Variants in MAST4 observed in about 807,000 individuals in gnomAD.
MAST4 encodes microtubule-associated serine/threonine-protein kinase 4.
MAST4 carries 89 observed loss-of-function variants against 162.7 expected under a neutral mutation model. The ratio of observed to expected loss-of-function variants is 0.55; its 90% confidence interval spans 0.46 to 0.65. The LOEUF (loss-of-function observed/expected upper bound fraction) is 0.65, where lower values mean the gene tolerates loss of function less well. MAST4 is among the 30% of genes least tolerant of loss of function. The pLI, the probability that MAST4 is intolerant of heterozygous loss-of-function variation, is 0.00. For missense variants in MAST4, 3,153 were observed against 3,374.0 expected (o/e 0.93, Z 1.62); for synonymous variants, 1,479 against 1,361.1 (o/e 1.09, Z -1.91).
At position 66,892,592 on chromosome 5, in the gene MAST4, T is replaced by G. The variant is rs532334370; in HGVS notation, c.643-7359T>G. On this transcript the variant is annotated intron_variant, in intron 3 of 28. Transcript: ENST00000403625. ...TTGCTTCAGTTTTACTTTGCTTATCTTTGAAAAGTGCCTGTTTTCACCTGT... is the reference window on the plus strand; with the variant it reads ...TTGCTTCAGTTTTACTTTGCTTATCGTTGAAAAGTGCCTGTTTTCACCTGT... Among the ~76,000 whole-genome samples, 3 of 152,300 alleles carry G rather than the reference T, an allele frequency of 2.0e-5. No individual in the cohort carries two copies. The South Asian group carries it at 6.2e-4, about 32-fold the overall frequency.
intron 1 of MAST4, among the ~76,000 whole-genome samples, chr5:66,701,150 A>G (rs988330667): frequency 3.3e-5 from 5 of 152,214 alleles, no homozygotes; most frequent in Admixed American, 3.3e-4. Context: ...ACATGTTTCA[A>G]CAAATCATGA....
chr5:66,832,431 CT>C (rs537892277), intron 3 of MAST4, among the ~76,000 whole-genome samples: 4 of 152,110 alleles, frequency 2.6e-5, no homozygotes, highest in Non-Finnish European at 4.4e-5. Flanking sequence ...CCCCCCACCC[CT>C]GTCCCCTGCC....
Position 67,095,518 on chromosome 5 carries a change from T to C in MAST4, c.834-79T>C. 2.7e-6 allele frequency: 3 copies of C among 1,094,348 alleles called. No homozygotes were observed. The East Asian group carries it at 7.7e-5, about 28-fold the overall frequency. 67.8% of individuals were successfully genotyped at this position (1,094,348 alleles called of 1,614,324 possible). ...ACTATGTTTGTGTCATTTGTTTGAC[T>C]AAAAATACTTAGTTTCCCTGGGGTT... On this transcript the variant is annotated intron_variant, in intron 6 of 28. Transcript: ENST00000403625.
At chr5:66,893,483 C>T (rs1762493563) in intron 3 of MAST4, among the ~76,000 whole-genome samples, 1 of 152,072 alleles carries the variant, frequency 6.6e-6, no homozygotes, top group Non-Finnish European at 1.5e-5. Flanking sequence ...ACGTCTCGGC[C>T]TCCCAAAATC....
At chr5:67,021,132 T>G (rs1581226094) in intron 4 of MAST4, among the ~76,000 whole-genome samples, 1 of 152,348 alleles carries the variant, frequency 6.6e-6, no homozygotes, top group Admixed American at 6.5e-5. Flanking sequence ...AAAGTTAGTT[T>G]AGGCATGGCC....
chr5:66,843,993 C>A (rs974872643), intron 3 of MAST4, among the ~76,000 whole-genome samples: 1 of 152,046 alleles, frequency 6.6e-6, no homozygotes, highest in Non-Finnish European at 1.5e-5. Context: ...CCAGTGGCTG[C>A]ATCATTTCCT....
chr5:67,045,817 A>G (rs1757303360), intron 4 of MAST4, among the ~76,000 whole-genome samples: 1 of 152,212 alleles, frequency 6.6e-6, no homozygotes, highest in African/African-American at 2.4e-5. Flanking sequence ...AAATAACACA[A>G]GCTATTAATT....
In MAST4 at chr5:66,805,673, G is replaced by A. The variant is rs202028675; in HGVS notation, c.642+16879G>A. 1.1e-4 allele frequency among the ~76,000 whole-genome samples: 16 copies of A among 152,298 alleles called. No individual in the cohort carries two copies. In the East Asian group the frequency reaches 2.3e-3, roughly 22 times the overall value. On this transcript the variant is annotated intron_variant, in intron 3 of 28. Coordinates refer to ENST00000403625, the MANE Select transcript of MAST4 (RefSeq NM_001164664.2). The stretch of plus-strand genomic sequence containing the variant: ...TGCAGTGTTGAAAGGCCATCCCCGA[G>A]GCTGATGTGACTAGTTCTCTTGGAG...
intron 4 of MAST4, among the ~76,000 whole-genome samples, chr5:66,959,770 T>C (rs937139418): frequency 6.6e-6 from 1 of 152,232 alleles, no homozygotes; most frequent in Non-Finnish European, 1.5e-5. Flanking sequence ...AGAATATTAA[T>C]GAACTGTGGT....
chr5:67,136,360 T>C (rs1263120866), intron 18 of MAST4, among the ~76,000 whole-genome samples: 1 of 152,236 alleles, frequency 6.6e-6, no homozygotes, highest in Non-Finnish European at 1.5e-5. Context: ...ATGCTACTTA[T>C]GTCTTGTAAA....
intron 3 of MAST4, among the ~76,000 whole-genome samples, chr5:66,897,301 G>A (rs191110109): frequency 6.6e-6 from 1 of 152,096 alleles, no homozygotes; most frequent in Non-Finnish European, 1.5e-5. Flanking sequence ...CTAAGTATGT[G>A]TTAGTGACCT....
chr5:67,032,001 G>A (rs1055160063), intron 4 of MAST4, among the ~76,000 whole-genome samples: 4 of 152,138 alleles, frequency 2.6e-5, no homozygotes, highest in South Asian at 2.1e-4. Context: ...TGTCACTTGC[G>A]TTGAAGGGGT....
intron 4 of MAST4, among the ~76,000 whole-genome samples, chr5:66,960,901 A>G (rs1001385041): frequency 1.3e-5 from 2 of 152,198 alleles, no homozygotes; most frequent in Non-Finnish European, 2.9e-5. Context: ...CACAGGACAT[A>G]ACAGTCAGCT....
chr5:66,982,312 G>T (rs899028092), intron 4 of MAST4, among the ~76,000 whole-genome samples: 4 of 152,144 alleles, frequency 2.6e-5, no homozygotes, highest in Non-Finnish European at 5.9e-5. Flanking sequence ...TACTTAGGGA[G>T]ACTAAAGTCG....
intron 1 of MAST4, among the ~76,000 whole-genome samples, chr5:66,611,783 C>A (rs1173648309): frequency 1.3e-5 from 2 of 152,188 alleles, no homozygotes; most frequent in Non-Finnish European, 2.9e-5. Flanking sequence ...CTGTTACCTG[C>A]AGTTTTTAGA....
chr5:66,769,891 CCA>C (rs1323696080), intron 2 of MAST4, among the ~76,000 whole-genome samples: 1 of 152,180 alleles, frequency 6.6e-6, no homozygotes, highest in Non-Finnish European at 1.5e-5. Flanking sequence ...AAGAAAAAGC[CCA>C]GATCCACATA....
At chr5:66,690,586 C>A (rs1748976901) in intron 1 of MAST4, among the ~76,000 whole-genome samples, 1 of 152,174 alleles carries the variant, frequency 6.6e-6, no homozygotes, top group Non-Finnish European at 1.5e-5. Context: ...TTTCTCTTCC[C>A]TTGATTACGG....
chr5:67,133,577 A>C lies in MAST4; in HGVS notation c.2157A>C (p.Leu719=). The C allele has an allele frequency of 6.2e-7, 1 of 1,613,494 alleles. No homozygotes were observed. The highest frequency in any genetic ancestry group is 8.5e-7 in the Non-Finnish European group (1 of 1,179,488). ...ATTTTGGATTATCTAAGGTGGGACT[A>C]ATGAGCATGACTACCAACCTTTACG... ...LTDFGLSKVG[L]MSMTTNLYEG... The change falls in exon 17 of 29, where the codon CTA becomes CTC. Residue 719 remains leucine, a synonymous_variant. Transcript: ENST00000403625.
In MAST4 at chr5:67,163,338, C is replaced by T. The variant is rs1482331162; in HGVS notation, c.4159C>T (p.Pro1387Ser). 4 of 1,612,832 alleles carry T rather than the reference C, an allele frequency of 2.5e-6. No homozygotes were observed. Among genetic ancestry groups the T allele is most frequent in the South Asian group, 1.1e-5 (1 of 91,060 alleles). Residue 1387 changes from proline to serine, a missense_variant, in exon 29 of 29, where the codon CCG (proline) becomes TCG (serine). Pro to Ser is a moderately conservative substitution (Grantham distance 74). Transcript: ENST00000403625. The surrounding 1 kb of genome is among the most constrained non-coding windows in gnomAD (Gnocchi z 7.0). ...GCTGGCCCGGACGCCCTCTCCAACC[C>T]CGCAACCCACCTCCCCGCAGCGGTC... ...SPLARTPSPT[P>S]QPTSPQRSPS... is the part of the protein sequence containing the mutation.
Sources: gnomAD v4.1 joint callset for allele counts (sites outside exome capture counted in the v4.1 genomes callset) on GRCh38, gnomAD v4.1.1 for gene constraint, Gnocchi (gnomAD v3.1) non-coding constraint, MANE v1.5 for transcripts, NCBI Gene and HGNC (gene_info 2026-07-23, HGNC 2026-07-21) for gene names.